PIEZO1: variants seen among roughly 807,000 people sequenced by gnomAD.
PIEZO1 encodes the protein piezo-type mechanosensitive ion channel component 1.
In PIEZO1, 296 loss-of-function variants were observed where a neutral mutation model predicts 297.2. That is an observed-to-expected ratio of 1.00 (90% CI 0.91 to 1.10). PIEZO1 has a LOEUF of 1.10. PIEZO1 is among the 50% of genes least tolerant of loss of function. The probability of loss-of-function intolerance (pLI) is 0.00; values close to 1 mark genes in which losing one functional copy is unlikely to be tolerated. For synonymous variants in PIEZO1, 2,427 were observed against 1,507.5 expected (o/e 1.61, Z -14.13); for missense variants, 5,018 against 3,455.5 (o/e 1.45, Z -11.34).
rs750739 is a variant in PIEZO1, at chr16:88,741,200, A to G, written c.465+278T>C. On this transcript the variant is annotated intron_variant, in intron 5 of 50. Coordinates refer to ENST00000301015, the MANE Select transcript of PIEZO1 (RefSeq NM_001142864.4). ...CAGGTTTCCACCACCGCGTGGCCCC[A>G]AATAATTCCCCTGTGAAGAGTTCCT... 41,133 of 323,626 alleles carry G rather than the reference A, an allele frequency of 0.13. 3,120 individuals carry two copies. The highest frequency in any genetic ancestry group is 0.16 in the Non-Finnish European group (27,496 of 174,826). 20.0% of individuals were successfully genotyped at this position (323,626 alleles called of 1,614,324 possible).
chr16:88,724,057 A>C (rs1904306694), intron 30 of PIEZO1, 86 bp from the exon 31 acceptor site: 1 of 780,352 alleles, frequency 1.3e-6, no homozygotes, highest in African/African-American at 1.7e-5. Flanking sequence ...CCAAGGCCCG[A>C]GAGCCACCCT....
At chr16:88,737,394 T>C (rs1905292047) in intron 10 of PIEZO1, 165 bp downstream of exon 10, 1 of 582,622 alleles carries the variant, frequency 1.7e-6, no homozygotes, top group Non-Finnish European at 3.0e-6. Flanking sequence ...CCTGGGGGTC[T>C]CGGGGGTCAC....
At chr16:88,760,095 G>A (rs1906860907) in intron 1 of PIEZO1, among the ~76,000 whole-genome samples, 1 of 60,220 alleles carries the variant, frequency 1.7e-5, no homozygotes, top group East Asian at 5.7e-4. Context: ...CCCTCCACAA[G>A]CAGAGGTCCT....
chr16:88,736,766 C>T (rs769895062), intron 10 of PIEZO1, 27 bp from the exon 11 acceptor site: 101 of 1,436,928 alleles, frequency 7.0e-5, no homozygotes, highest in Middle Eastern at 1.9e-4. Flanking sequence ...CGGTCAGCTT[C>T]GGCAGGTTGA....
At chr16:88,767,213 T>C (rs1366424098) in intron 1 of PIEZO1, among the ~76,000 whole-genome samples, 1 of 152,196 alleles carries the variant, frequency 6.6e-6, no homozygotes, top group Non-Finnish European at 1.5e-5. Context: ...CGGGACATCC[T>C]TACGGGAAGG....
chr16:88,715,674 C>CAACT lies in PIEZO1; in HGVS notation c.7493_7496dup (p.Tyr2500ValfsTer21). The CAACT allele has an allele frequency of 6.5e-7, 1 of 1,550,362 alleles. No homozygotes were observed. The highest frequency in any genetic ancestry group is 8.7e-7 in the Non-Finnish European group (1 of 1,146,960). On this transcript the variant is annotated frameshift_variant, in exon 51 of 51. Coordinates refer to ENST00000301015, the MANE Select transcript of PIEZO1 (RefSeq NM_001142864.4). LOFTEE classifies it high-confidence loss of function. ...GGTAGAGGAAGATGAGCTTGGCGTA[C>CAACT]AACTCCTCCTCCAGCTCCAGCTCCC...
chr16:88,784,978 AG>A lies in PIEZO1; in HGVS notation c.-15del. On this transcript the variant is annotated 5_prime_UTR_variant, in exon 1 of 51. Coordinates refer to ENST00000301015, the MANE Select transcript of PIEZO1 (RefSeq NM_001142864.4). ...GTGCGGCTCCATGGCTGGAGGGCCC[AG>A]GGCCCGGCCCAGACCGAGCGGACGC... The A allele has an allele frequency of 7.5e-7, 1 of 1,329,642 alleles. No homozygotes were observed. Among genetic ancestry groups the A allele is most frequent in the Non-Finnish European group, 9.7e-7 (1 of 1,031,554 alleles). The allele number at this position is 1,329,642 out of a possible 1,614,324, so 82.4% of individuals were successfully genotyped here. A position where few individuals can be genotyped will look rare whatever the true frequency, so the allele number is the denominator to read the frequency against.
Position 88,761,742 on chromosome 16 carries a change from CCACTGCCCTCCG to C in PIEZO1, c.65-12275_65-12264del, listed in dbSNP as rs530580275. Among the ~76,000 whole-genome samples, 115 of 152,132 alleles carry C rather than the reference CCACTGCCCTCCG, an allele frequency of 7.6e-4. No homozygotes were observed. In the East Asian group the frequency reaches 0.014, roughly 18 times the overall value. On this transcript the variant is annotated intron_variant, in intron 1 of 50. Coordinates refer to ENST00000301015, the MANE Select transcript of PIEZO1 (RefSeq NM_001142864.4). ...TTCCCCCACTTCCTCCTGACCCTCC[CCACTGCCCTCCG>C]CACCTCCCCCTCCCTCCCAGGGCCT...
intron 1 of PIEZO1, among the ~76,000 whole-genome samples, chr16:88,757,287 G>A (rs1348314099): frequency 8.2e-5 from 12 of 145,820 alleles, no homozygotes; most frequent in Non-Finnish European, 1.0e-4. Flanking sequence ...AGCACCTGGT[G>A]CAGGCCCTGG....
rs536231718 is a variant in PIEZO1 at position 88,724,843 on chromosome 16, G to T, written c.4234+166C>A. 5.3e-5 allele frequency among the ~76,000 whole-genome samples: 8 copies of T among 152,324 alleles called. No individual in the cohort carries two copies. In the South Asian group the frequency reaches 8.3e-4, roughly 16 times the overall value. On this transcript the variant is annotated intron_variant, in intron 30 of 50. Transcript: ENST00000301015. ...AGGAGAGGACATAGTCAGCCCAGGG[G>T]TCTGCAGCCAGTGAGGCACCCCCCG...
intron 2 of PIEZO1, chr16:88,743,364 C>T (rs1423632807): frequency 2.2e-6 from 1 of 452,312 alleles, no homozygotes; most frequent in Admixed American, 2.4e-5. Flanking sequence ...CACCCCGGCA[C>T]GTGCTGGCAG....
chr16:88,759,289 G>T (rs1314625941), intron 1 of PIEZO1, among the ~76,000 whole-genome samples: 1 of 152,244 alleles, frequency 6.6e-6, no homozygotes, highest in Non-Finnish European at 1.5e-5. Context: ...GCTAGGTCTT[G>T]ACTTCTTTTG....
chr16:88,725,927 G>A, intron 27 of PIEZO1: 1 of 571,292 alleles, frequency 1.8e-6, no homozygotes, highest in Non-Finnish European at 3.1e-6. Flanking sequence ...ACAGCTGCAG[G>A]GAAGAAGGCA....
rs1912367217 is a variant in PIEZO1 at position 88,720,615 on chromosome 16, C to A, written c.5801+1G>T. On this transcript the variant is annotated splice_donor_variant, in intron 40 of 50. Transcript: ENST00000301015. LOFTEE classifies it high-confidence loss of function. The stretch of plus-strand genomic sequence containing the variant: ...AGCTGCCCCCGGCCGCCATCACTCA[C>A]AGGGACAGGCAGAAGCCCTGCAGCC... 6.5e-7 allele frequency: 1 copy of A among 1,544,502 alleles called. No individual in the cohort carries two copies. The highest frequency in any genetic ancestry group is 8.7e-7 in the Non-Finnish European group (1 of 1,145,458).
intron 27 of PIEZO1, 86 bp downstream of exon 27, chr16:88,726,198 C>G (rs560468790): frequency 8.5e-7 from 1 of 1,183,342 alleles, no homozygotes; most frequent in Non-Finnish European, 1.2e-6. Flanking sequence ...CTCCACGGGC[C>G]GGGGCCTGAG....
In PIEZO1 at chr16:88,749,411, G is replaced by A. The variant is rs1402344272; in HGVS notation, c.133C>T (p.Pro45Ser). 12 of 1,520,346 alleles carry A rather than the reference G, an allele frequency of 7.9e-6. No individual in the cohort carries two copies. Among genetic ancestry groups the A allele is most frequent in the East Asian group, 2.6e-5 (1 of 39,138 alleles). 94.2% of individuals were successfully genotyped at this position (1,520,346 alleles called of 1,614,324 possible). The change falls in exon 2 of 51, where the codon CCC (proline) becomes TCC (serine). Residue 45 changes from proline to serine, a missense_variant. Pro to Ser is a moderately conservative substitution (Grantham distance 74). Coordinates refer to ENST00000301015, the MANE Select transcript of PIEZO1 (RefSeq NM_001142864.4). ...TGGAGGCCGCATCGGGTGGGGCCGG[G>A]GAACCAGGGCAGCAGCAGCAGGAAG... ...LLFLLLLPWF[P>S]GPTRCGLQGH...
At position 88,747,405 on chromosome 16, in the gene PIEZO1, A is replaced by G. The variant is rs184241936; in HGVS notation, c.160+1979T>C. 3.0e-3 allele frequency among the ~76,000 whole-genome samples: 460 copies of G among 151,434 alleles called. 2 individuals carry two copies. Among genetic ancestry groups the G allele is most frequent in the African/African-American group, 0.011 (438 of 41,146 alleles). ...ATGGTGGGCGCCTGTAATCCCAGCT[A>G]CTCGGGAGGCCGAGGCGGGAGAATC... On this transcript the variant is annotated intron_variant, in intron 2 of 50. Transcript: ENST00000301015.
At chr16:88,718,127 T>C (rs1184425976) in intron 44 of PIEZO1, 1 of 196,398 alleles carries the variant, frequency 5.1e-6, no homozygotes, top group East Asian at 1.6e-4. Context: ...CCAGAGAAGA[T>C]ACACAAATGG....
At chr16:88,761,126 G>A (rs1004135572) in intron 1 of PIEZO1, among the ~76,000 whole-genome samples, 1 of 152,196 alleles carries the variant, frequency 6.6e-6, no homozygotes, top group Admixed American at 6.5e-5. Context: ...AGGAACAGAG[G>A]GTCAGCAGGC....
Sources: gnomAD v4.1 joint callset for allele counts (sites outside exome capture counted in the v4.1 genomes callset) on GRCh38, gnomAD v4.1.1 for gene constraint, MANE v1.5 for transcripts, NCBI Gene and HGNC (gene_info 2026-07-23, HGNC 2026-07-21) for gene names.